CSMD1: variants seen among roughly 807,000 people sequenced by gnomAD.
The protein encoded by CSMD1 is CUB and sushi domain-containing protein 1.
CSMD1 carries 213 observed loss-of-function variants against 417.5 expected under a neutral mutation model. That is an observed-to-expected ratio of 0.51 (90% CI 0.46 to 0.57). The LOEUF (loss-of-function observed/expected upper bound fraction) is 0.57, where lower values mean the gene tolerates loss of function less well. CSMD1 is among the 20% of genes least tolerant of loss of function. The pLI, the probability that CSMD1 is intolerant of heterozygous loss-of-function variation, is 0.00. For synonymous variants in CSMD1, 2,862 were observed against 1,736.8 expected (o/e 1.65, Z -16.11); for missense variants, 6,923 against 4,529.7 (o/e 1.53, Z -15.17).
chr8:4,963,783 C>A (rs1055267559), intron 1 of CSMD1, among the ~76,000 whole-genome samples: 2 of 152,074 alleles, frequency 1.3e-5, no homozygotes, highest in Admixed American at 1.3e-4. Flanking sequence ...TTCATGGCAA[C>A]GTCAAAATGG....
intron 7 of CSMD1, among the ~76,000 whole-genome samples, chr8:3,676,745 C>G (rs1217199753): frequency 6.6e-6 from 1 of 152,064 alleles, no homozygotes; most frequent in African/African-American, 2.4e-5. Flanking sequence ...ATATAATAAA[C>G]ATAGCAAACA....
chr8:3,213,875 T>C (rs1291659438), intron 30 of CSMD1, among the ~76,000 whole-genome samples: 1 of 150,012 alleles, frequency 6.7e-6, no homozygotes, highest in Non-Finnish European at 1.5e-5. Flanking sequence ...TATATATATA[T>C]GAGATGGAGT....
At chr8:4,942,106 A>G (rs999705598) in intron 1 of CSMD1, among the ~76,000 whole-genome samples, 3 of 152,122 alleles carry the variant, frequency 2.0e-5, no homozygotes, top group African/African-American at 7.2e-5. Flanking sequence ...ACATTCCACA[A>G]TTCCTAAATA....
At chr8:4,804,942 A>G (rs908792583) in intron 1 of CSMD1, among the ~76,000 whole-genome samples, 1 of 152,244 alleles carries the variant, frequency 6.6e-6, no homozygotes, top group African/African-American at 2.4e-5. Context: ...TTTACTTAAC[A>G]AAAAGGGATA....
chr8:3,549,264 G>C (rs757664851), intron 10 of CSMD1, among the ~76,000 whole-genome samples: 4 of 152,250 alleles, frequency 2.6e-5, no homozygotes, highest in Admixed American at 1.3e-4. Context: ...CAAAGGCGAA[G>C]TGTGCCAGTG....
At chr8:3,805,007 T>G (rs936829633) in intron 5 of CSMD1, among the ~76,000 whole-genome samples, 13 of 152,128 alleles carry the variant, frequency 8.5e-5, no homozygotes, top group Admixed American at 8.5e-4. Flanking sequence ...CTTCTTCTGG[T>G]CTTGAAGAGG....
chr8:3,794,753 A>C (rs1799945841), intron 5 of CSMD1, among the ~76,000 whole-genome samples: 1 of 152,112 alleles, frequency 6.6e-6, no homozygotes. Context: ...TTCCAGGTCA[A>C]GACTGTACTC....
At chr8:3,694,799 G>T (rs1800456504) in intron 7 of CSMD1, among the ~76,000 whole-genome samples, 1 of 151,900 alleles carries the variant, frequency 6.6e-6, no homozygotes, top group South Asian at 2.1e-4. Context: ...GTAACAGAAA[G>T]TGCAGGGAGC....
chr8:3,174,211 A>C (rs1408234882), intron 37 of CSMD1, among the ~76,000 whole-genome samples: 1 of 152,216 alleles, frequency 6.6e-6, no homozygotes, highest in Non-Finnish European at 1.5e-5. Context: ...ATTGAGACAG[A>C]GTCCAGGCAC....
Position 4,625,894 on chromosome 8 carries a change from T to A in CSMD1, c.302+11448A>T, listed in dbSNP as rs564182973. 2.6e-5 allele frequency among the ~76,000 whole-genome samples: 4 copies of A among 152,158 alleles called. No homozygotes were observed. In the East Asian group the frequency reaches 5.8e-4, roughly 22 times the overall value. On this transcript the variant is annotated intron_variant, in intron 2 of 69. Transcript: ENST00000635120. ...ACACACCCCCACGCCTGGCTAATTG[T>A]TGTATTTTTGGTAGAGACGGGGTTT...
intron 4 of CSMD1, among the ~76,000 whole-genome samples, 166 bp downstream of exon 4, chr8:4,031,739 C>T (rs1186746506): frequency 6.6e-6 from 1 of 152,152 alleles, no homozygotes; most frequent in African/African-American, 2.4e-5. Context: ...TTATTTCTTA[C>T]ATAGTAATAA....
chr8:3,552,795 T>G (rs931724136), intron 10 of CSMD1, among the ~76,000 whole-genome samples: 1 of 152,206 alleles, frequency 6.6e-6, no homozygotes, highest in African/African-American at 2.4e-5. Context: ...TACAGAAGAC[T>G]AAGAACCATT....
At chr8:4,692,279 A>G (rs1356413924) in intron 1 of CSMD1, among the ~76,000 whole-genome samples, 1 of 152,202 alleles carries the variant, frequency 6.6e-6, no homozygotes, top group Non-Finnish European at 1.5e-5. Flanking sequence ...ACGTTTTCTT[A>G]GTTATGAGAA....
intron 2 of CSMD1, among the ~76,000 whole-genome samples, chr8:4,582,934 C>T (rs1021806025): frequency 6.6e-6 from 1 of 152,202 alleles, no homozygotes; most frequent in Admixed American, 6.5e-5. Context: ...AGCTGGCCGG[C>T]CCTGCCGGCC....
At position 4,856,241 on chromosome 8, in the gene CSMD1, G is replaced by A. The variant is rs1321320370; in HGVS notation, c.85+138091C>T. Among the ~76,000 whole-genome samples, 3 of 137,804 alleles carry A rather than the reference G, an allele frequency of 2.2e-5. No homozygotes were observed. In the East Asian group the frequency reaches 6.5e-4, roughly 30 times the overall value. 90.4% of individuals were successfully genotyped at this position (137,804 alleles called of 152,430 possible). Reference sequence around the variant, plus strand: ...AGAGATTTTTGTCACCACCAGGCCTGCCTTACAAGAGCTCCTGAAGGAAGC... The same window carrying A: ...AGAGATTTTTGTCACCACCAGGCCTACCTTACAAGAGCTCCTGAAGGAAGC... On this transcript the variant is annotated intron_variant, in intron 1 of 69. Coordinates refer to ENST00000635120, the MANE Select transcript of CSMD1 (RefSeq NM_033225.6).
Position 3,923,259 on chromosome 8 carries a change from G to C in CSMD1, c.818+74644C>G, listed in dbSNP as rs144113158. Among the ~76,000 whole-genome samples, 383 of 152,200 alleles carry C rather than the reference G, an allele frequency of 2.5e-3. 4 individuals are homozygous for C. Among genetic ancestry groups the C allele is most frequent in the Non-Finnish European group, 1.3e-3 (86 of 67,996 alleles). On this transcript the variant is annotated intron_variant, in intron 5 of 69. Coordinates refer to ENST00000635120, the MANE Select transcript of CSMD1 (RefSeq NM_033225.6). ...TGGTGAATCTTCCAGAGTCTGGTGA[G>C]TGGAGTGTCTGACTCTGGAGCCCAG...
At chr8:4,653,152 AG>A (rs1160201672) in intron 1 of CSMD1, among the ~76,000 whole-genome samples, 1 of 152,062 alleles carries the variant, frequency 6.6e-6, no homozygotes, top group Non-Finnish European at 1.5e-5. Context: ...AAATTTCCAA[AG>A]TAGACTCTTA....
intron 1 of CSMD1, among the ~76,000 whole-genome samples, chr8:4,647,200 C>T (rs978186551): frequency 6.6e-6 from 1 of 150,790 alleles, no homozygotes; most frequent in African/African-American, 2.4e-5. Flanking sequence ...CCATACGTAA[C>T]TTCAGAGTGT....
intron 12 of CSMD1, among the ~76,000 whole-genome samples, chr8:3,434,251 G>A (rs1314617221): frequency 4.6e-5 from 7 of 152,090 alleles, no homozygotes; most frequent in East Asian, 1.9e-4. Flanking sequence ...CGACTAAATC[G>A]TTTTTTAAAA....
Sources: gnomAD v4.1 joint callset for allele counts (sites outside exome capture counted in the v4.1 genomes callset) on GRCh38, gnomAD v4.1.1 for gene constraint, MANE v1.5 for transcripts, NCBI Gene and HGNC (gene_info 2026-07-23, HGNC 2026-07-21) for gene names.